Variants in CA10 observed in about 807,000 individuals in gnomAD.
CA10 encodes the protein carbonic anhydrase 10 (inactive), also known as carbonic anhydrase-related protein 10.
CA10 carries 14 observed loss-of-function variants against 44.2 expected under a neutral mutation model. That is an observed-to-expected ratio of 0.32 (90% confidence interval 0.21 to 0.50). The LOEUF is 0.50. Ranked by LOEUF, CA10 falls within the 20% of genes least tolerant of loss-of-function variation. The pLI, the probability that CA10 is intolerant of heterozygous loss-of-function variation, is 0.99. For synonymous variants in CA10, 159 were observed against 141.6 expected, an observed-to-expected ratio of 1.12 and a Z score of -0.87; for missense variants, 350 against 409.7, an observed-to-expected ratio of 0.85 and a Z score of 1.26.
intron 2 of CA10, among the ~76,000 whole-genome samples, chr17:51,984,167 T>G (rs1984748343): frequency 6.6e-6 from 1 of 151,590 alleles, no homozygotes; most frequent in African/African-American, 2.4e-5. Context: ...CTATACAATC[T>G]CACAGAATAG....
chr17:51,791,878 T>G (rs1008700470), intron 3 of CA10, among the ~76,000 whole-genome samples: 3 of 152,250 alleles, frequency 2.0e-5, no homozygotes, highest in Non-Finnish European at 4.4e-5. Flanking sequence ...TCCATGGAAC[T>G]TTGCTTGAAC....
chr17:51,984,280 G>C (rs1984752007), intron 2 of CA10, among the ~76,000 whole-genome samples: 1 of 151,750 alleles, frequency 6.6e-6, no homozygotes, highest in South Asian at 2.1e-4. Context: ...ACGAAAGCAA[G>C]ATGGAAATGA....
At chr17:51,957,232 G>A (rs902116460) in intron 2 of CA10, among the ~76,000 whole-genome samples, 10 of 152,216 alleles carry the variant, frequency 6.6e-5, no homozygotes, top group South Asian at 2.1e-4. Flanking sequence ...AGTAAGAAAC[G>A]TTATTCCAAG....
In CA10 at chr17:51,846,014, C is replaced by T. The variant is rs1978478546; in HGVS notation, c.279+84976G>A. On this transcript the variant is annotated intron_variant, in intron 3 of 8. Coordinates refer to ENST00000451037, the MANE Select transcript of CA10 (RefSeq NM_020178.5). Reference sequence around the variant, plus strand: ...CAGCTGGTCTCTGGTCTCCCTGATCCCTCGAGAGCCCAGTGAGGGCAGCTT... The same window carrying T: ...CAGCTGGTCTCTGGTCTCCCTGATCTCTCGAGAGCCCAGTGAGGGCAGCTT... Among the ~76,000 whole-genome samples the T allele has an allele frequency of 2.0e-5, 3 of 152,212 alleles. No homozygotes were observed. The South Asian group carries it at 6.2e-4, about 32-fold the overall frequency.
At chr17:51,993,831 TCTTTTATTGATAAATTA>T (rs1241922178) in intron 2 of CA10, among the ~76,000 whole-genome samples, 10 of 152,170 alleles carry the variant, frequency 6.6e-5, no homozygotes, top group East Asian at 3.9e-4. Flanking sequence ...CTTCCTTTGT[TCTTTTATTGATAAATTA>T]CTTTTATTGA....
intron 1 of CA10, among the ~76,000 whole-genome samples, chr17:52,079,454 G>T (rs974834435): frequency 1.6e-5 from 2 of 123,716 alleles, no homozygotes; most frequent in African/African-American, 1.0e-4. Flanking sequence ...GCGAGACTCC[G>T]TCAAAAAAAA....
intron 4 of CA10, among the ~76,000 whole-genome samples, chr17:51,707,423 A>G (rs1915794519): frequency 6.6e-6 from 1 of 152,138 alleles, no homozygotes; most frequent in African/African-American, 2.4e-5. Flanking sequence ...TAAGGTATAA[A>G]TATTTGGTTA....
chr17:51,764,285 A>G (rs1164076037), intron 3 of CA10, among the ~76,000 whole-genome samples: 2 of 152,126 alleles, frequency 1.3e-5, no homozygotes, highest in African/African-American at 4.8e-5. Context: ...CTCATTTGTC[A>G]AGACCACCTC....
At chr17:52,034,663 C>T (rs1463117410) in intron 2 of CA10, among the ~76,000 whole-genome samples, 1 of 152,106 alleles carries the variant, frequency 6.6e-6, no homozygotes, top group Admixed American at 6.6e-5. Flanking sequence ...CAGTGCGTGA[C>T]ACCTTGGGAG....
chr17:51,987,619 T>C (rs533791329), intron 2 of CA10, among the ~76,000 whole-genome samples: 2 of 152,166 alleles, frequency 1.3e-5, no homozygotes, highest in South Asian at 4.1e-4. Flanking sequence ...ATTCAGAATA[T>C]TCTATGTGCC....
At chr17:51,931,291 T>C (rs939188048) in intron 2 of CA10, among the ~76,000 whole-genome samples, 159 bp from the exon 3 acceptor site, 4 of 152,150 alleles carry the variant, frequency 2.6e-5, no homozygotes, top group Non-Finnish European at 5.9e-5. Flanking sequence ...TTTCCTGGTC[T>C]GAATCTTGGT....
chr17:52,125,978 T>C (rs537503464), intron 1 of CA10, among the ~76,000 whole-genome samples: 1 of 152,324 alleles, frequency 6.6e-6, no homozygotes, highest in African/African-American at 2.4e-5. Flanking sequence ...CAGAATACTT[T>C]CTACCTAAGT....
intron 3 of CA10, among the ~76,000 whole-genome samples, chr17:51,872,139 T>A (rs183120683): frequency 1.3e-5 from 2 of 152,328 alleles, no homozygotes; most frequent in East Asian, 1.9e-4. Context: ...CTACACTTGG[T>A]CTTTTCTATG....
At chr17:51,891,357 C>T (rs566986534) in intron 3 of CA10, among the ~76,000 whole-genome samples, 19 of 152,234 alleles carry the variant, frequency 1.2e-4, no homozygotes, top group East Asian at 9.7e-4. Context: ...TTCTAAGGAA[C>T]GAGAAATAGC....
At chr17:51,875,099 A>G (rs964855600) in intron 3 of CA10, among the ~76,000 whole-genome samples, 2 of 151,794 alleles carry the variant, frequency 1.3e-5, no homozygotes, top group Non-Finnish European at 2.9e-5. Context: ...TCAACCTCCC[A>G]AGTAGCTGGG....
intron 1 of CA10, among the ~76,000 whole-genome samples, chr17:52,075,953 C>A (rs1437223121): frequency 2.0e-5 from 3 of 152,094 alleles, no homozygotes; most frequent in Non-Finnish European, 4.4e-5. Context: ...TCTTTCCTGC[C>A]ATTTGACCAT....
At chr17:51,915,045 T>G (rs1981936922) in intron 3 of CA10, among the ~76,000 whole-genome samples, 1 of 152,228 alleles carries the variant, frequency 6.6e-6, no homozygotes, top group African/African-American at 2.4e-5. Context: ...ATTTATTATT[T>G]CATTCAATAA....
At chr17:52,032,445 AT>A (rs1489045143) in intron 2 of CA10, among the ~76,000 whole-genome samples, 1 of 152,184 alleles carries the variant, frequency 6.6e-6, no homozygotes, top group Non-Finnish European at 1.5e-5. Flanking sequence ...TAATTATCTC[AT>A]GAAACTTCAC....
chr17:52,091,426 G>T (rs9303595), intron 1 of CA10, among the ~76,000 whole-genome samples: 80,881 of 151,886 alleles, frequency 0.53, 22,631 homozygotes, highest in African/African-American at 0.69. Flanking sequence ...CCAACATTAA[G>T]ATTTAATTTT....
Sources: gnomAD v4.1 joint callset for allele counts (sites outside exome capture counted in the v4.1 genomes callset) on GRCh38, gnomAD v4.1.1 for gene constraint, MANE v1.5 for transcripts, NCBI Gene and HGNC (gene_info 2026-07-23, HGNC 2026-07-21) for gene names.